CELF1: variants seen among roughly 807,000 people sequenced by gnomAD.
The protein encoded by CELF1 is CUGBP Elav-like family member 1, also known as 50 kDa nuclear polyadenylated RNA-binding protein.
A neutral mutation model predicts 61.8 loss-of-function variants in CELF1; 10 were observed. The ratio of observed to expected loss-of-function variants is 0.16; its 90% CI spans 0.10 to 0.27. CELF1 has a LOEUF of 0.27. CELF1 is among the 10% of genes least tolerant of loss of function. The probability of loss-of-function intolerance (pLI) is 1.00; values close to 1 mark genes in which losing one functional copy is unlikely to be tolerated. For synonymous variants in CELF1, 236 were observed against 225.1 expected, an observed-to-expected ratio of 1.05 and a Z score of -0.43; for missense variants, 380 against 639.1, an observed-to-expected ratio of 0.59 and a Z score of 4.37.
At chr11:47,538,220 T>C (rs562578066) in intron 1 of CELF1, among the ~76,000 whole-genome samples, 15 of 152,300 alleles carry the variant, frequency 9.8e-5, no homozygotes, top group African/African-American at 3.6e-4. Flanking sequence ...GCCCATAATA[T>C]TGTTTAGATA....
chr11:47,485,713 C>T (rs2086404129), intron 6 of CELF1, among the ~76,000 whole-genome samples: 1 of 151,706 alleles, frequency 6.6e-6, no homozygotes, highest in African/African-American at 2.4e-5. Flanking sequence ...TCCTGAGTAG[C>T]TGGGATTACA....
At chr11:47,544,115 C>A (rs2096875076) in intron 1 of CELF1, among the ~76,000 whole-genome samples, 2 of 152,160 alleles carry the variant, frequency 1.3e-5, no homozygotes, top group Admixed American at 1.3e-4. Context: ...AAATCTTATC[C>A]CTTAAGCCAC....
chr11:47,521,583 A>G (rs1565880952), intron 1 of CELF1, among the ~76,000 whole-genome samples: 1 of 152,256 alleles, frequency 6.6e-6, no homozygotes, highest in Non-Finnish European at 1.5e-5. Flanking sequence ...TTACACAAAC[A>G]GTATCTACCT....
intron 1 of CELF1, among the ~76,000 whole-genome samples, chr11:47,513,118 T>C (rs1004172751): frequency 1.3e-5 from 2 of 152,228 alleles, no homozygotes; most frequent in African/African-American, 4.8e-5. Context: ...ACTATAATTG[T>C]ATTTTCTCTA....
Position 47,482,761 on chromosome 11 carries a change from TTGCTGCATCTGC to T in CELF1, c.690_701del (p.Gln231_Gln234del). On this transcript the variant is annotated inframe_deletion, in exon 9 of 15. Coordinates refer to ENST00000687097, the MANE Select transcript of CELF1 (RefSeq NM_001376376.1). ...TTCCCCACACAGATGCTGCGCTGATTTGCTGCATCTGCTGCTGGAGCTGCTGGGCCATTCTCT... is the reference window on the plus strand; with the variant it reads ...TTCCCCACACAGATGCTGCGCTGATTTGCTGGAGCTGCTGGGCCATTCTCT... The T allele has an allele frequency of 5.6e-6, 9 of 1,614,124 alleles. No individual in the cohort carries two copies. Among genetic ancestry groups the T allele is most frequent in the Non-Finnish European group, 6.8e-6 (8 of 1,179,966 alleles).
rs1555189682 is a variant in CELF1, at chr11:47,538,659, A to AAAT, written c.-154+14332_-154+14333insATT. On this transcript the variant is annotated intron_variant, in intron 1 of 14. Transcript: ENST00000687097. Reference sequence around the variant, plus strand: ...CTCCGTCTCAAAAAAAAAAAAAAAAAAAATCTCCATTTCAAAACTAGCTTG... The same window carrying AAAT: ...CTCCGTCTCAAAAAAAAAAAAAAAAAAATAAATCTCCATTTCAAAACTAGCTTG... Among the ~76,000 whole-genome samples the AAAT allele has an allele frequency of 4.7e-5, 7 of 149,000 alleles. 1 individual carries two copies. Among genetic ancestry groups the AAAT allele is most frequent in the Non-Finnish European group, 7.4e-5 (5 of 67,626 alleles).
intron 1 of CELF1, among the ~76,000 whole-genome samples, chr11:47,516,700 A>G (rs1445374245): frequency 6.6e-6 from 1 of 151,436 alleles, no homozygotes; most frequent in East Asian, 1.9e-4. Flanking sequence ...TCCCAGTTGT[A>G]AGCAATTTTC....
rs778155890 is a variant in CELF1 at position 47,476,968 on chromosome 11, A to G, written c.974-9T>C. On this transcript the variant is annotated splice_polypyrimidine_tract_variant and intron_variant, in intron 11 of 14. Coordinates refer to ENST00000687097, the MANE Select transcript of CELF1 (RefSeq NM_001376376.1). The stretch of plus-strand genomic sequence containing the variant: ...GCTAGGTGAGGACCCTGCTATTAGA[A>G]AGCAAGGAGTTAAAATTCAACCCAT... 2.5e-6 allele frequency: 4 copies of G among 1,606,862 alleles called. No homozygotes were observed. The highest frequency in any genetic ancestry group is 1.1e-5 in the South Asian group (1 of 90,898).
At chr11:47,541,769 C>A (rs557024066) in intron 1 of CELF1, among the ~76,000 whole-genome samples, 735 of 9,100 alleles carry the variant, frequency 0.081, 133 homozygotes, top group African/African-American at 0.2. Flanking sequence ...AAAGAAAGAA[C>A]GAAAGAAAGA....
intron 1 of CELF1, among the ~76,000 whole-genome samples, chr11:47,546,253 T>TGG (rs1223226167): frequency 4.2e-5 from 1 of 23,558 alleles, no homozygotes; most frequent in Non-Finnish European, 9.4e-5. Context: ...TTTTTTTTTT[T>TGG]GGGCGGGGGC....
rs532189855 is a variant in CELF1 at position 47,478,599 on chromosome 11, T to C, written c.844+278A>G. ...TCCCCTTATCAGAGAACAGCCTCAG[T>C]CTATAGGAGCTAAACAGCCCTTTTC... On this transcript the variant is annotated intron_variant, in intron 10 of 14. Coordinates refer to ENST00000687097, the MANE Select transcript of CELF1 (RefSeq NM_001376376.1). 3.0e-3 allele frequency among the ~76,000 whole-genome samples: 452 copies of C among 152,276 alleles called. 4 individuals carry two copies. Among genetic ancestry groups the C allele is most frequent in the African/African-American group, 0.01 (435 of 41,550 alleles).
chr11:47,565,448 C>T (rs2097241964), exon 1 of CELF1: 2 of 518,874 alleles, frequency 3.9e-6, no homozygotes, highest in Admixed American at 9.6e-5. Flanking sequence ...CCGCCGGGCC[C>T]TCCTCCAGAG....
intron 1 of CELF1, among the ~76,000 whole-genome samples, chr11:47,511,452 A>C (rs1217587840): frequency 6.6e-6 from 1 of 152,224 alleles, no homozygotes; most frequent in African/African-American, 2.4e-5. Context: ...TTGAACAATA[A>C]ATTTTTCTAT....
intron 6 of CELF1, among the ~76,000 whole-genome samples, chr11:47,486,024 G>A: frequency 7.2e-6 from 1 of 138,086 alleles, no homozygotes; most frequent in Non-Finnish European, 1.6e-5. Context: ...AGCCGGGCGT[G>A]GTGGCAGGCA....
intron 1 of CELF1, among the ~76,000 whole-genome samples, chr11:47,537,618 G>A (rs1388625855): frequency 3.3e-5 from 5 of 151,910 alleles, no homozygotes; most frequent in African/African-American, 9.7e-5. Flanking sequence ...ATAACTCCTT[G>A]GAGCTTTTAA....
chr11:47,493,462 C>T (rs570782585), intron 3 of CELF1, among the ~76,000 whole-genome samples: 7 of 141,854 alleles, frequency 4.9e-5, no homozygotes, highest in African/African-American at 1.9e-4. Flanking sequence ...GAGCCGAGAT[C>T]GTGCCATTGT....
At chr11:47,489,935 G>GTTTTTTTGTTTTTTTTTTTTTT (rs2090255781) in intron 3 of CELF1, among the ~76,000 whole-genome samples, 1 of 48,226 alleles carries the variant, frequency 2.1e-5, no homozygotes, top group Admixed American at 3.0e-4. Flanking sequence ...ATACCATCTT[G>GTTTTTTTGTTTTTTTTTTTTTT]TTTTTTTTTT....
intron 3 of CELF1, among the ~76,000 whole-genome samples, chr11:47,498,883 T>C (rs143833829): frequency 1.3e-5 from 2 of 152,188 alleles, no homozygotes; most frequent in Admixed American, 6.5e-5. Flanking sequence ...AAAGGACAAT[T>C]TGATGTTCCT....
At chr11:47,473,472 C>T (rs1328812117) in intron 13 of CELF1, among the ~76,000 whole-genome samples, 3 of 152,148 alleles carry the variant, frequency 2.0e-5, no homozygotes, top group African/African-American at 4.8e-5. Flanking sequence ...AAATTCTACC[C>T]GCAGGAGGAG....
Sources: allele counts gnomAD v4.1 joint callset (sites outside exome capture counted in the v4.1 genomes callset), GRCh38; gene constraint gnomAD v4.1.1; transcripts MANE v1.5; gene names NCBI Gene and HGNC (gene_info 2026-07-23, HGNC 2026-07-21).